GRM8: variants seen among roughly 807,000 people sequenced by gnomAD.
The protein encoded by GRM8 is glutamate metabotropic receptor 8.
In GRM8, 47 loss-of-function variants were observed where a neutral mutation model predicts 87.2. The observed-to-expected ratio is 0.54, with a 90% CI of 0.43 to 0.69. GRM8 has a LOEUF of 0.69. Ranked by LOEUF, GRM8 falls within the 30% of genes least tolerant of loss-of-function variation. GRM8 has a pLI of 0.00. For synonymous variants in GRM8, 396 were observed against 404.5 expected (o/e 0.98, Z 0.25); for missense variants, 1,019 against 1,139.2 (o/e 0.89, Z 1.52).
intron 6 of GRM8, among the ~76,000 whole-genome samples, chr7:126,899,104 AGTGTGTGTGTGTGT>A (rs71177573): frequency 2.9e-5 from 4 of 140,312 alleles, no homozygotes; most frequent in Non-Finnish European, 4.6e-5. Context: ...ACTGGTTAAC[AGTGTGTGTGTGTGT>A]GTGTGTGTGT....
At chr7:127,204,382 G>A (rs566210589) in intron 2 of GRM8, among the ~76,000 whole-genome samples, 1 of 152,174 alleles carries the variant, frequency 6.6e-6, no homozygotes, top group Non-Finnish European at 1.5e-5. Flanking sequence ...AAATGTCAGA[G>A]AGCCAAGGGT....
chr7:127,197,485 T>C (rs185008512), intron 2 of GRM8, among the ~76,000 whole-genome samples: 1 of 152,172 alleles, frequency 6.6e-6, no homozygotes, highest in African/African-American at 2.4e-5. Context: ...TTTTTCCTAC[T>C]GTGCTTCACA....
chr7:127,007,426 T>G (rs1168935145), intron 3 of GRM8, among the ~76,000 whole-genome samples: 2 of 151,936 alleles, frequency 1.3e-5, no homozygotes, highest in East Asian at 3.9e-4. Flanking sequence ...AGAAAACATG[T>G]TACCCCTTAG....
chr7:127,108,548 A>ACTAAGAGT (rs1563517172), intron 2 of GRM8, among the ~76,000 whole-genome samples: 1 of 152,152 alleles, frequency 6.6e-6, no homozygotes, highest in Non-Finnish European at 1.5e-5. Flanking sequence ...TTCCTGAGCT[A>ACTAAGAGT]CTAAGAGTCC....
chr7:126,797,229 A>T (rs563417737), intron 6 of GRM8, among the ~76,000 whole-genome samples: 2 of 152,234 alleles, frequency 1.3e-5, no homozygotes, highest in East Asian at 3.9e-4. Flanking sequence ...TATAAAGGTT[A>T]CAACTTAATA....
chr7:127,041,845 C>A (rs959171977), intron 3 of GRM8, among the ~76,000 whole-genome samples: 1 of 152,140 alleles, frequency 6.6e-6, no homozygotes, highest in Non-Finnish European at 1.5e-5. Context: ...TTTGATTGAT[C>A]AATACAGCTT....
chr7:126,617,503 C>T (rs1236560594), intron 7 of GRM8, among the ~76,000 whole-genome samples: 6 of 152,100 alleles, frequency 3.9e-5, no homozygotes, highest in Non-Finnish European at 8.8e-5. Flanking sequence ...TCCTATGCAA[C>T]ATAGTGTTGG....
At chr7:126,629,461 C>T (rs1585283333) in intron 7 of GRM8, among the ~76,000 whole-genome samples, 1 of 151,926 alleles carries the variant, frequency 6.6e-6, no homozygotes, top group Admixed American at 6.6e-5. Flanking sequence ...TTATGCATGC[C>T]TTTGTAATAA....
intron 2 of GRM8, among the ~76,000 whole-genome samples, chr7:127,202,192 GAAA>G (rs11356627): frequency 6.7e-6 from 1 of 149,704 alleles, no homozygotes; most frequent in African/African-American, 2.5e-5. Flanking sequence ...TGTCAAAAAA[GAAA>G]AAAAAAAAGG....
intron 6 of GRM8, among the ~76,000 whole-genome samples, chr7:126,801,228 A>G (rs1822639520): frequency 6.6e-6 from 1 of 152,070 alleles, no homozygotes. Flanking sequence ...CTAGATAACC[A>G]TTTGCCAACA....
At chr7:127,047,529 A>G (rs1340679595) in intron 3 of GRM8, among the ~76,000 whole-genome samples, 1 of 149,910 alleles carries the variant, frequency 6.7e-6, no homozygotes, top group Non-Finnish European at 1.5e-5. Context: ...GCCATTCTAC[A>G]CTTTTAAAAA....
chr7:126,689,062 G>A lies in GRM8; in HGVS notation c.1358-79564C>T, dbSNP rs549326808. 7.7e-4 allele frequency among the ~76,000 whole-genome samples: 117 copies of A among 152,278 alleles called. 1 individual carries two copies. Among genetic ancestry groups the A allele is most frequent in the African/African-American group, 2.6e-3 (106 of 41,556 alleles). ...CTGTTATACAAATAGCCTGTCTGCA[G>A]AGTCTCTTCTTCTTGCTCTATAAGA... On this transcript the variant is annotated intron_variant, in intron 7 of 10. Transcript: ENST00000339582.
chr7:126,599,115 G>A (rs1229483394), intron 8 of GRM8, among the ~76,000 whole-genome samples: 1 of 152,056 alleles, frequency 6.6e-6, no homozygotes, highest in East Asian at 1.9e-4. Context: ...TAACTCTAAG[G>A]CCGTCTTCAG....
intron 6 of GRM8, among the ~76,000 whole-genome samples, chr7:126,847,948 A>G (rs1796857625): frequency 6.6e-6 from 1 of 152,166 alleles, no homozygotes; most frequent in Non-Finnish European, 1.5e-5. Flanking sequence ...TGAGATCAAG[A>G]GGGATTTCTC....
At chr7:126,779,373 C>T (rs1333119770) in intron 6 of GRM8, among the ~76,000 whole-genome samples, 1 of 151,934 alleles carries the variant, frequency 6.6e-6, no homozygotes, top group Admixed American at 6.6e-5. Flanking sequence ...GGCCATTTTT[C>T]TCTTAATATG....
Position 127,243,414 on chromosome 7 carries a change from A to G in GRM8, c.-210T>C. The G allele has an allele frequency of 1.8e-6, 1 of 551,654 alleles. No individual in the cohort carries two copies. Among genetic ancestry groups the G allele is most frequent in the South Asian group, 2.6e-5 (1 of 37,792 alleles). 34.2% of individuals were successfully genotyped at this position (551,654 alleles called of 1,614,324 possible). ...TCAATTTTATTTCCTTATAAGATCA[A>G]CTTGCCTGGAATGGTGCAAAAATTA... On this transcript the variant is annotated 5_prime_UTR_variant, in exon 2 of 11. Coordinates refer to ENST00000339582, the MANE Select transcript of GRM8 (RefSeq NM_000845.3).
chr7:126,546,736 T>C (rs1005278282), intron 8 of GRM8, among the ~76,000 whole-genome samples: 23 of 152,232 alleles, frequency 1.5e-4, no homozygotes, highest in African/African-American at 5.5e-4. Flanking sequence ...TCCTAGTGAT[T>C]CCTTTTCCCT....
chr7:126,883,668 T>C (rs1563280134), intron 6 of GRM8, among the ~76,000 whole-genome samples: 1 of 152,154 alleles, frequency 6.6e-6, no homozygotes, highest in South Asian at 2.1e-4. Flanking sequence ...AGCAACCTAA[T>C]ATGTATTCAA....
At chr7:126,799,648 T>C (rs1822413876) in intron 6 of GRM8, among the ~76,000 whole-genome samples, 1 of 152,076 alleles carries the variant, frequency 6.6e-6, no homozygotes, top group African/African-American at 2.4e-5. Context: ...CCCTGGACTG[T>C]AGAAAGCAGA....
Sources: gnomAD v4.1 joint callset for allele counts (sites outside exome capture counted in the v4.1 genomes callset) on GRCh38, gnomAD v4.1.1 for gene constraint, MANE v1.5 for transcripts, NCBI Gene and HGNC (gene_info 2026-07-23, HGNC 2026-07-21) for gene names.